SNX29: variants seen among roughly 807,000 people sequenced by gnomAD.
SNX29 encodes the protein sorting nexin 29, also known as sorting nexin-29.
A neutral mutation model predicts 102.1 loss-of-function variants in SNX29; 78 were observed. The ratio of observed to expected loss-of-function variants is 0.76; its 90% confidence interval spans 0.64 to 0.92. The LOEUF (loss-of-function observed/expected upper bound fraction) is 0.92, where lower values mean the gene tolerates loss of function less well. Ranked by LOEUF, SNX29 falls within the 40% of genes least tolerant of loss-of-function variation. The pLI, the probability that SNX29 is intolerant of heterozygous loss-of-function variation, is 0.00. For missense variants in SNX29, 1,280 were observed against 1,061.7 expected (o/e 1.21, Z -2.86); for synonymous variants, 580 against 414.5 (o/e 1.40, Z -4.85).
intron 16 of SNX29, among the ~76,000 whole-genome samples, chr16:12,385,128 G>A (rs1297282271): frequency 6.6e-6 from 1 of 152,164 alleles, no homozygotes; most frequent in Admixed American, 6.5e-5. Flanking sequence ...CTGAGATCGC[G>A]CCACTGCACT....
chr16:12,397,192 C>T (rs1169348912), intron 16 of SNX29, among the ~76,000 whole-genome samples: 2 of 152,272 alleles, frequency 1.3e-5, no homozygotes, highest in African/African-American at 4.8e-5. Flanking sequence ...TTCACCCAGT[C>T]TCCACTGTTG....
intron 15 of SNX29, among the ~76,000 whole-genome samples, chr16:12,309,374 C>T (rs2080456071): frequency 6.6e-6 from 1 of 152,230 alleles, no homozygotes. Context: ...GAAGGCAGTG[C>T]ATGGTCTCTG....
At position 12,098,734 on chromosome 16, in the gene SNX29, G is replaced by T. The variant is rs1235933679; in HGVS notation, c.1402+19819G>T. On this transcript the variant is annotated intron_variant, in intron 11 of 20. Transcript: ENST00000566228. This position sits in a 1 kb window ranked among gnomAD's most constrained non-coding sequence, Gnocchi z 6.0. ...GATCAAGAGGCTAGCTTTGTCATCA[G>T]TAAAGCTGGTTGGAAAACAGAGCTT... Among the ~76,000 whole-genome samples, 1 of 152,210 alleles carries T rather than the reference G, an allele frequency of 6.6e-6. No homozygotes were observed. Among genetic ancestry groups the T allele is most frequent in the Non-Finnish European group, 1.5e-5 (1 of 68,036 alleles).
At chr16:11,984,383 A>AAAGG (rs1555512341) in intron 1 of SNX29, among the ~76,000 whole-genome samples, 4 of 145,092 alleles carry the variant, frequency 2.8e-5, no homozygotes, top group African/African-American at 5.1e-5. Flanking sequence ...TCAAAAAAAA[A>AAAGG]AAAAGAAAAG....
intron 14 of SNX29, among the ~76,000 whole-genome samples, chr16:12,221,855 T>C (rs1249552363): frequency 6.6e-6 from 1 of 152,178 alleles, no homozygotes; most frequent in African/African-American, 2.4e-5. Flanking sequence ...ATCCCGTGCT[T>C]CCTTGGGTGC....
chr16:12,474,383 C>A (rs1337326194), intron 18 of SNX29, among the ~76,000 whole-genome samples: 1 of 152,096 alleles, frequency 6.6e-6, no homozygotes, highest in Non-Finnish European at 1.5e-5. Flanking sequence ...TATCAGAGGT[C>A]CAGACTAGAG....
intron 11 of SNX29, among the ~76,000 whole-genome samples, chr16:12,125,624 T>C (rs1382252787): frequency 8.1e-6 from 1 of 123,594 alleles, no homozygotes; most frequent in Non-Finnish European, 1.8e-5. Context: ...TTTTTTTTTT[T>C]TTTTTTTTTT....
At chr16:12,143,787 A>G (rs767986616) in intron 13 of SNX29, among the ~76,000 whole-genome samples, 14 of 152,186 alleles carry the variant, frequency 9.2e-5, no homozygotes, top group Non-Finnish European at 1.5e-4. Flanking sequence ...TTCCTAATAA[A>G]GAATTCTCTG....
chr16:12,287,368 C>G (rs200902729), intron 15 of SNX29, among the ~76,000 whole-genome samples: 8 of 151,784 alleles, frequency 5.3e-5, no homozygotes, highest in South Asian at 2.1e-4. Context: ...TCACAGGTGT[C>G]TCTCTGTTTT....
chr16:12,547,515 G>A (rs1002939773), intron 20 of SNX29, among the ~76,000 whole-genome samples: 12 of 152,124 alleles, frequency 7.9e-5, no homozygotes, highest in Non-Finnish European at 1.6e-4. Flanking sequence ...CAATGTGGGT[G>A]TGAGAGAAAG....
At chr16:12,211,482 A>G (rs2077181705) in intron 14 of SNX29, among the ~76,000 whole-genome samples, 1 of 152,152 alleles carries the variant, frequency 6.6e-6, no homozygotes. Context: ...GATGTGAGAA[A>G]CCAAGGCTCT....
intron 14 of SNX29, among the ~76,000 whole-genome samples, chr16:12,209,855 C>T (rs527438149): frequency 3.9e-5 from 6 of 152,242 alleles, no homozygotes; most frequent in South Asian, 2.1e-4. Context: ...CTGTTGTTGT[C>T]GAGCCTGAAG....
intron 3 of SNX29, among the ~76,000 whole-genome samples, chr16:12,006,048 C>T (rs1183156827): frequency 6.6e-6 from 1 of 152,126 alleles, no homozygotes; most frequent in East Asian, 1.9e-4. Flanking sequence ...CTTACTATTA[C>T]TAATAATAGG....
In SNX29 at chr16:12,403,466, C is replaced by G. The variant is rs1274100343; in HGVS notation, c.1974C>G (p.Ile658Met). The G allele has an allele frequency of 6.2e-7, 1 of 1,608,846 alleles. No individual in the cohort carries two copies. Among genetic ancestry groups the G allele is most frequent in the East Asian group, 2.2e-5 (1 of 44,756 alleles). Residue 658 changes from isoleucine to methionine, a missense_variant, in exon 18 of 21, where the codon ATC becomes ATG. Physicochemically the swap from Ile to Met is conservative, Grantham distance 10. Coordinates refer to ENST00000566228, the MANE Select transcript of SNX29 (RefSeq NM_032167.5). ...TGGTTAGATCAAACCGGGCGCTGAT[C>G]AACGTCTGGATCCCCTCAGTGTTTC... is the stretch of plus-strand genomic sequence containing the variant. ...SDFEISNRAL[I>M]NVWIPSVFLR...
At chr16:12,164,349 G>A (rs532911380) in intron 13 of SNX29, among the ~76,000 whole-genome samples, 1 of 152,280 alleles carries the variant, frequency 6.6e-6, no homozygotes, top group East Asian at 1.9e-4. Context: ...TACTAGTTAT[G>A]CTGGTTTAAG....
At chr16:12,244,749 T>C (rs1383510641) in intron 14 of SNX29, among the ~76,000 whole-genome samples, 1 of 152,220 alleles carries the variant, frequency 6.6e-6, no homozygotes, top group East Asian at 1.9e-4. Context: ...TGAGAAACAC[T>C]TCAGCATCTT....
Position 12,505,343 on chromosome 16 carries a change from T to C in SNX29, c.2179-19359T>C, listed in dbSNP as rs903038219. Among the ~76,000 whole-genome samples the C allele has an allele frequency of 3.7e-4, 56 of 152,232 alleles. 1 individual carries two copies. Among genetic ancestry groups the C allele is most frequent in the Admixed American group, 1.1e-3 (17 of 15,298 alleles). On this transcript the variant is annotated intron_variant, in intron 19 of 20. Coordinates refer to ENST00000566228, the MANE Select transcript of SNX29 (RefSeq NM_032167.5). ...AAGATAAAGGTGCTAGCATATTCGG[T>C]GTCTGGTGAGGGCCTATTTGAAAAA...
At chr16:12,332,389 C>G (rs1476821753) in intron 15 of SNX29, among the ~76,000 whole-genome samples, 2 of 152,196 alleles carry the variant, frequency 1.3e-5, no homozygotes, top group Non-Finnish European at 2.9e-5. Flanking sequence ...TGGCATCTAG[C>G]TGGGTTGCTC....
chr16:12,272,852 G>C (rs190802071), intron 14 of SNX29, among the ~76,000 whole-genome samples: 2 of 152,024 alleles, frequency 1.3e-5, no homozygotes, highest in African/African-American at 4.8e-5. Context: ...TTATTTTTCA[G>C]TTTTTGGAAT....
Sources: allele counts gnomAD v4.1 joint callset (sites outside exome capture counted in the v4.1 genomes callset), GRCh38; gene constraint gnomAD v4.1.1; non-coding constraint Gnocchi (gnomAD v3.1); transcripts MANE v1.5; gene names NCBI Gene and HGNC (gene_info 2026-07-23, HGNC 2026-07-21).